Variants in ALPK2 observed in about 807,000 individuals in gnomAD.
The protein encoded by ALPK2 is alpha kinase 2.
ALPK2 carries 127 observed loss-of-function variants against 163.1 expected under a neutral mutation model. The observed-to-expected ratio is 0.78, with a 90% confidence interval of 0.67 to 0.90. The LOEUF (loss-of-function observed/expected upper bound fraction) is 0.90. ALPK2 is among the 40% of genes least tolerant of loss of function. ALPK2 has a pLI of 0.00. For missense variants in ALPK2, 2,360 were observed against 2,589.6 expected (o/e 0.91, Z 1.92); for synonymous variants, 953 against 959.1 (o/e 0.99, Z 0.12).
At chr18:58,603,826 C>G (rs747284862) in intron 3 of ALPK2, among the ~76,000 whole-genome samples, 1 of 151,992 alleles carries the variant, frequency 6.6e-6, no homozygotes, top group Non-Finnish European at 1.5e-5. Context: ...AAAAAAAATT[C>G]TATTTCAAGC....
chr18:58,587,216 A>G (rs913197558), intron 3 of ALPK2, among the ~76,000 whole-genome samples: 3 of 152,222 alleles, frequency 2.0e-5, no homozygotes, highest in African/African-American at 7.2e-5. Flanking sequence ...AACTCAGTAG[A>G]AACTTCAGGG....
chr18:58,579,617 C>T lies in ALPK2; in HGVS notation c.1159G>A (p.Val387Met), dbSNP rs148507420. The T allele has an allele frequency of 1.9e-6, 3 of 1,613,780 alleles. No homozygotes were observed. Among genetic ancestry groups the T allele is most frequent in the Admixed American group, 3.3e-5 (2 of 59,994 alleles). The change falls in exon 4 of 13, where the codon GTG becomes ATG. Residue 387 changes from valine (V) to methionine (M), a missense_variant. Physicochemically the swap from Val to Met is conservative, Grantham distance 21. Coordinates refer to ENST00000361673, the MANE Select transcript of ALPK2 (RefSeq NM_052947.4). ...FLSGMGCGSRVSGDAGPMVAT... is the reference protein window; with the variant it reads ...FLSGMGCGSRMSGDAGPMVAT... ...ACCATAGGCCCAGCGTCACCCGACA[C>T]CCGAGACCCACAACCCATTCCACTG...
chr18:58,580,406 C>A lies in ALPK2; in HGVS notation c.370G>T (p.Gly124Cys). The change falls in exon 4 of 13, where the codon GGT becomes TGT. Residue 124 changes from glycine to cysteine, a missense_variant. Gly to Cys is a radical substitution (Grantham distance 159). Transcript: ENST00000361673. ...TGTGTCCCTGTTTCATGTTTCCAAC[C>A]CCTGTCCCTGTCATCTTCCAGGTTA... ...SPNLEDDRDR[G>C]WKHETGTHEE... The A allele has an allele frequency of 6.2e-7, 1 of 1,614,118 alleles. No homozygotes were observed. The highest frequency in any genetic ancestry group is 8.5e-7 in the Non-Finnish European group (1 of 1,180,026).
chr18:58,587,884 G>A (rs2051995491), intron 3 of ALPK2, among the ~76,000 whole-genome samples: 1 of 152,156 alleles, frequency 6.6e-6, no homozygotes, highest in Admixed American at 6.5e-5. Context: ...TGAAAGTTTG[G>A]ATTTTATCAC....
intron 4 of ALPK2, among the ~76,000 whole-genome samples, chr18:58,572,671 A>G (rs1291883764): frequency 6.6e-6 from 1 of 152,218 alleles, no homozygotes; most frequent in East Asian, 1.9e-4. Context: ...ACAAAATTTT[A>G]GAATTGGAGG....
At chr18:58,560,507 T>C (rs886422718) in intron 4 of ALPK2, among the ~76,000 whole-genome samples, 1 of 152,184 alleles carries the variant, frequency 6.6e-6, no homozygotes, top group African/African-American at 2.4e-5. Flanking sequence ...TTCAAATCCT[T>C]CTCTGACCGA....
chr18:58,487,823 A>T (rs2051347713), intron 12 of ALPK2, among the ~76,000 whole-genome samples: 1 of 152,196 alleles, frequency 6.6e-6, no homozygotes, highest in Admixed American at 6.5e-5. Flanking sequence ...GGAATACAAG[A>T]CCAGCCTGGG....
chr18:58,497,768 A>G (rs1016029783), intron 12 of ALPK2, among the ~76,000 whole-genome samples: 4 of 152,242 alleles, frequency 2.6e-5, no homozygotes, highest in Non-Finnish European at 5.9e-5. Context: ...AAGTAATGCC[A>G]GCATTTTCTC....
chr18:58,571,891 G>T (rs1009159976), intron 4 of ALPK2, among the ~76,000 whole-genome samples: 3 of 146,972 alleles, frequency 2.0e-5, no homozygotes, highest in South Asian at 2.1e-4. Flanking sequence ...CAGGAGAATC[G>T]CTTGAACCTG....
chr18:58,616,220 T>C (rs189860833), intron 1 of ALPK2, among the ~76,000 whole-genome samples: 291 of 152,326 alleles, frequency 1.9e-3, no homozygotes, highest in Middle Eastern at 3.4e-3. Flanking sequence ...TATATCTGTA[T>C]ATTTATTGGT....
At chr18:58,570,079 G>A (rs890983644) in intron 4 of ALPK2, among the ~76,000 whole-genome samples, 2 of 148,880 alleles carry the variant, frequency 1.3e-5, no homozygotes, top group South Asian at 2.1e-4. Flanking sequence ...GCAGTGAGCC[G>A]AGATTGCGCC....
At chr18:58,518,832 C>T (rs1317514175) in intron 8 of ALPK2, among the ~76,000 whole-genome samples, 1 of 152,200 alleles carries the variant, frequency 6.6e-6, no homozygotes, top group Non-Finnish European at 1.5e-5. Context: ...TGCCCTGTCA[C>T]TTCTCTAAAA....
intron 4 of ALPK2, among the ~76,000 whole-genome samples, chr18:58,549,248 G>C (rs1037016879): frequency 6.6e-6 from 1 of 152,296 alleles, no homozygotes; most frequent in African/African-American, 2.4e-5. Flanking sequence ...AGGATGTCCA[G>C]TTTACCCTGG....
At position 58,498,037 on chromosome 18, in the gene ALPK2, T is replaced by C; in HGVS notation, c.6296+12A>G. On this transcript the variant is annotated intron_variant, in intron 12 of 12. Coordinates refer to ENST00000361673, the MANE Select transcript of ALPK2 (RefSeq NM_052947.4). ...GTGTTAATTGATGCACACTCCATTT[T>C]TTCCTACTCACCCTTTAGCCAGCGT... is the stretch of plus-strand genomic sequence containing the variant. 3 of 1,613,900 alleles carry C rather than the reference T, an allele frequency of 1.9e-6. No homozygotes were observed. Among genetic ancestry groups the C allele is most frequent in the Non-Finnish European group, 2.5e-6 (3 of 1,179,786 alleles).
intron 12 of ALPK2, among the ~76,000 whole-genome samples, chr18:58,485,554 C>T (rs117412043): frequency 6.6e-6 from 1 of 152,332 alleles, no homozygotes; most frequent in East Asian, 1.9e-4. Context: ...TTCTAAAAGC[C>T]AAGCTTTCTC....
At chr18:58,612,600 G>A (rs2052138784) in intron 1 of ALPK2, among the ~76,000 whole-genome samples, 2 of 152,214 alleles carry the variant, frequency 1.3e-5, no homozygotes, top group Non-Finnish European at 2.9e-5. Context: ...AGCCACCTTG[G>A]GGCTGTCCTT....
Position 58,517,191 on chromosome 18 carries a change from C to T in ALPK2, c.5666-9G>A. On this transcript the variant is annotated splice_polypyrimidine_tract_variant and intron_variant, in intron 8 of 12. Transcript: ENST00000361673. ...TTCAATCTCTTCACATCCTGAAACA[C>T]AGCACAGCTTTGGTTGGAAAGAATA... The T allele has an allele frequency of 6.2e-7, 1 of 1,611,544 alleles. No individual in the cohort carries two copies. Among genetic ancestry groups the T allele is most frequent in the Non-Finnish European group, 8.5e-7 (1 of 1,178,102 alleles).
intron 4 of ALPK2, among the ~76,000 whole-genome samples, chr18:58,547,512 G>C (rs755246819): frequency 1.3e-5 from 2 of 152,178 alleles, no homozygotes; most frequent in Non-Finnish European, 2.9e-5. Flanking sequence ...CTGTGTTGGC[G>C]TATAGACCCT....
chr18:58,537,642 C>T lies in ALPK2; in HGVS notation c.2545G>A (p.Val849Ile). The T allele has an allele frequency of 1.2e-6, 2 of 1,613,450 alleles. No homozygotes were observed. The highest frequency in any genetic ancestry group is 8.5e-7 in the Non-Finnish European group (1 of 1,179,458). The change falls in exon 5 of 13, where the codon GTA becomes ATA. Residue 849 changes from valine to isoleucine, a missense_variant. Coordinates refer to ENST00000361673, the MANE Select transcript of ALPK2 (RefSeq NM_052947.4). ...TCATTAGAAGAACATAAATCAGATA[C>T]TTTGTTTTGACCTTCTGCCAGTTCC... ...DTELAEGQNK[V>I]SDLCSSNDKT...
Sources: allele counts gnomAD v4.1 joint callset (sites outside exome capture counted in the v4.1 genomes callset), GRCh38; gene constraint gnomAD v4.1.1; transcripts MANE v1.5; gene names NCBI Gene and HGNC (gene_info 2026-07-23, HGNC 2026-07-21).